The following PCDHGA12 variants were observed in gnomAD, a reference collection of about 807,000 sequenced individuals.
PCDHGA12 encodes the protein protocadherin gamma subfamily A, 12, also known as protocadherin gamma-A12.
Under a neutral mutation model 61.1 loss-of-function variants are expected in PCDHGA12, and 43 were observed. The observed-to-expected ratio is 0.70, with a 90% CI of 0.55 to 0.91. The LOEUF (loss-of-function observed/expected upper bound fraction) is 0.91, where lower values mean the gene tolerates loss of function less well. Ranked by LOEUF, PCDHGA12 falls within the 40% of genes least tolerant of loss-of-function variation. The probability of loss-of-function intolerance (pLI) is 0.00; values close to 1 mark genes in which losing one functional copy is unlikely to be tolerated. For synonymous variants in PCDHGA12, 520 were observed against 542.9 expected, an observed-to-expected ratio of 0.96 and a Z score of 0.59; for missense variants, 1,236 against 1,227.7, an observed-to-expected ratio of 1.01 and a Z score of -0.10.
intron 1 of PCDHGA12, among the ~76,000 whole-genome samples, chr5:141,460,050 C>T (rs1477206197): frequency 6.6e-6 from 1 of 152,064 alleles, no homozygotes; most frequent in Non-Finnish European, 1.5e-5. Context: ...TGCACTCCAG[C>T]CTGGGCAACA....
In PCDHGA12 at chr5:141,431,243, A is replaced by G; in HGVS notation, c.484A>G (p.Ile162Val). 1 of 1,614,154 alleles carries G rather than the reference A, an allele frequency of 6.2e-7. No homozygotes were observed. Among genetic ancestry groups the G allele is most frequent in the Non-Finnish European group, 8.5e-7 (1 of 1,180,034 alleles). ...TCTACCCCACGCCTGGGATCCGGAT[A>G]TCGGGAAGAACTCTCTGCAGAGCTA... ...FPLPHAWDPD[I>V]GKNSLQSYEL... Residue 162 changes from isoleucine to valine, a missense_variant, in exon 1 of 4, where the codon ATC (isoleucine) becomes GTC (valine). Ile to Val is a conservative substitution (Grantham distance 29). Coordinates refer to ENST00000252085, the MANE Select transcript of PCDHGA12 (RefSeq NM_003735.3). This position sits in a 1 kb window ranked among gnomAD's most constrained non-coding sequence, Gnocchi z 4.8.
At chr5:141,457,750 C>G (rs900052683) in intron 1 of PCDHGA12, among the ~76,000 whole-genome samples, 4 of 152,188 alleles carry the variant, frequency 2.6e-5, no homozygotes, top group African/African-American at 9.6e-5. Flanking sequence ...AAGCTGAGCC[C>G]AGACATGGGT....
At chr5:141,455,160 G>GT (rs59530096) in intron 1 of PCDHGA12, among the ~76,000 whole-genome samples, 26,536 of 149,098 alleles carry the variant, frequency 0.18, 2,386 homozygotes, top group South Asian at 0.23. Flanking sequence ...TAGTTTGTTG[G>GT]TTTTTTTTTT....
chr5:141,468,360 A>T (rs1249822461), intron 1 of PCDHGA12: 1 of 151,938 alleles, frequency 6.6e-6, no homozygotes, highest in East Asian at 1.9e-4. Flanking sequence ...GAAAGAAAAA[A>T]GAAATAACTC....
At position 141,489,063 on chromosome 5, in the gene PCDHGA12, C is replaced by A; in HGVS notation, c.2425-5744C>A. ...CTCCACTCAAATTCAGCTCCCCTCC[C>A]CCCTGCCCACCCCCGCCACTCGGTG... On this transcript the variant is annotated intron_variant, in intron 1 of 3. Coordinates refer to ENST00000252085, the MANE Select transcript of PCDHGA12 (RefSeq NM_003735.3). This position sits in a 1 kb window ranked among gnomAD's most constrained non-coding sequence, Gnocchi z 4.5. 2.6e-6 allele frequency: 1 copy of A among 384,986 alleles called. No individual in the cohort carries two copies. Among genetic ancestry groups the A allele is most frequent in the East Asian group, 4.5e-5 (1 of 22,374 alleles). 23.8% of individuals were successfully genotyped at this position (384,986 alleles called of 1,614,324 possible). A position where few individuals can be genotyped will look rare whatever the true frequency, so the allele number is the denominator to read the frequency against.
intron 2 of PCDHGA12, among the ~76,000 whole-genome samples, chr5:141,501,751 C>G (rs188896150): frequency 1.4e-3 from 218 of 152,250 alleles, no homozygotes; most frequent in South Asian, 3.1e-3. Flanking sequence ...ATAGGAAGCT[C>G]TCAGTAAATG....
chr5:141,477,634 G>C lies in PCDHGA12; in HGVS notation c.2425-17173G>C. 2 of 1,614,176 alleles carry C rather than the reference G, an allele frequency of 1.2e-6. No individual in the cohort carries two copies. Among genetic ancestry groups the C allele is most frequent in the Non-Finnish European group, 1.7e-6 (2 of 1,180,034 alleles). On this transcript the variant is annotated intron_variant, in intron 1 of 3. Transcript: ENST00000252085. This position sits in a 1 kb window ranked among gnomAD's most constrained non-coding sequence, Gnocchi z 4.9. Reference sequence around the variant, plus strand: ...AGCAAGGAGCTGAAACCGGGCTAGTGGGTCGCTATTTCACAATAAATCGTG... The same window carrying C: ...AGCAAGGAGCTGAAACCGGGCTAGTCGGTCGCTATTTCACAATAAATCGTG...
rs1015619417 is a variant in PCDHGA12 at position 141,455,526 on chromosome 5, C to T, written c.2424+22343C>T. Among the ~76,000 whole-genome samples the T allele has an allele frequency of 2.0e-5, 3 of 152,106 alleles. 1 individual carries two copies. Among genetic ancestry groups the T allele is most frequent in the South Asian group, 4.1e-4 (2 of 4,826 alleles). ...CATAGGGCTCAGGGGATTGGTTTGA[C>T]CAGGCATATCATTCACGTAGCCCGA... On this transcript the variant is annotated intron_variant, in intron 1 of 3. Coordinates refer to ENST00000252085, the MANE Select transcript of PCDHGA12 (RefSeq NM_003735.3).
Position 141,491,522 on chromosome 5 carries a change from A to G in PCDHGA12, c.2425-3285A>G, listed in dbSNP as rs778246278. ...TCGGACGGCACGCTCAAGTACATGG[A>G]GGTGACGCTGCGGCCCACAGACTCG... is the stretch of plus-strand genomic sequence containing the variant. On this transcript the variant is annotated intron_variant, in intron 1 of 3. Coordinates refer to ENST00000252085, the MANE Select transcript of PCDHGA12 (RefSeq NM_003735.3). The surrounding 1 kb of genome is among the most constrained non-coding windows in gnomAD (Gnocchi z 6.9). 8.1e-6 allele frequency: 13 copies of G among 1,614,024 alleles called. No homozygotes were observed. Among genetic ancestry groups the G allele is most frequent in the Non-Finnish European group, 1.1e-5 (13 of 1,180,002 alleles).
intron 1 of PCDHGA12, among the ~76,000 whole-genome samples, chr5:141,492,408 C>T (rs1187024017): frequency 2.0e-5 from 3 of 152,244 alleles, no homozygotes; most frequent in African/African-American, 2.4e-5. Flanking sequence ...CTCCCCTCTG[C>T]CGCTCCCTCC....
At position 141,511,410 on chromosome 5, in the gene PCDHGA12, T is replaced by A; in HGVS notation, c.*237T>A. The stretch of plus-strand genomic sequence containing the variant: ...GGAACCCCCATCCAATCAACTGCTG[T>A]ACCCATGGGGGTAGTGGGGTTACTG... On this transcript the variant is annotated 3_prime_UTR_variant, in exon 4 of 4. Coordinates refer to ENST00000252085, the MANE Select transcript of PCDHGA12 (RefSeq NM_003735.3). 1 of 908,820 alleles carries A rather than the reference T, an allele frequency of 1.1e-6. No individual in the cohort carries two copies. The highest frequency in any genetic ancestry group is 1.6e-6 in the Non-Finnish European group (1 of 624,202). 56.3% of individuals were successfully genotyped at this position (908,820 alleles called of 1,614,324 possible). A position where few individuals can be genotyped will look rare whatever the true frequency, so the allele number is the denominator to read the frequency against.
rs1194909537 is a variant in PCDHGA12 at position 141,511,022 on chromosome 5, T to C, written c.2648T>C (p.Phe883Ser). 1 of 1,614,176 alleles carries C rather than the reference T, an allele frequency of 6.2e-7. No individual in the cohort carries two copies. The highest frequency in any genetic ancestry group is 8.5e-7 in the Non-Finnish European group (1 of 1,180,020). ...MGLSARYGPQ[F>S]TLQHVPDYRQ... ...TTGAGCGCCCGCTACGGACCCCAGT[T>C]CACCCTGCAGCACGTGCCCGACTAC... The change falls in exon 4 of 4, where the codon TTC becomes TCC. Residue 883 changes from phenylalanine (F) to serine (S), a missense_variant. Transcript: ENST00000252085.
chr5:141,459,162 T>A (rs1408033955), intron 1 of PCDHGA12, among the ~76,000 whole-genome samples: 3 of 152,224 alleles, frequency 2.0e-5, no homozygotes, highest in African/African-American at 7.2e-5. Context: ...AACATTTCTA[T>A]AACCTTCAAA....
At position 141,511,423 on chromosome 5, in the gene PCDHGA12, A is replaced by G. The variant is rs1301463531; in HGVS notation, c.*250A>G. On this transcript the variant is annotated 3_prime_UTR_variant, in exon 4 of 4. Transcript: ENST00000252085. ...AATCAACTGCTGTACCCATGGGGGTAGTGGGGTTACTGTAGACACCAAGAA... is the reference window on the plus strand; with the variant it reads ...AATCAACTGCTGTACCCATGGGGGTGGTGGGGTTACTGTAGACACCAAGAA... 15 of 818,384 alleles carry G rather than the reference A, an allele frequency of 1.8e-5. No homozygotes were observed. Among genetic ancestry groups the G allele is most frequent in the East Asian group, 3.0e-5 (1 of 33,874 alleles). 50.7% of individuals were successfully genotyped at this position (818,384 alleles called of 1,614,324 possible). A position where few individuals can be genotyped will look rare whatever the true frequency, so the allele number is the denominator to read the frequency against.
intron 1 of PCDHGA12, chr5:141,441,943 C>CT: frequency 1.2e-5 from 4 of 336,004 alleles, no homozygotes; most frequent in South Asian, 1.1e-4. Flanking sequence ...CTACCACGTG[C>CT]TGCAGGCCAG....
chr5:141,452,010 G>A (rs955708033), intron 1 of PCDHGA12, among the ~76,000 whole-genome samples: 1 of 152,192 alleles, frequency 6.6e-6, no homozygotes, highest in African/African-American at 2.4e-5. Context: ...ACTTGGTCCA[G>A]CCCACACTCT....
intron 3 of PCDHGA12, among the ~76,000 whole-genome samples, chr5:141,505,995 C>T (rs1041284805): frequency 5.3e-5 from 8 of 152,142 alleles, no homozygotes; most frequent in African/African-American, 1.4e-4. Flanking sequence ...CCTCTTTATG[C>T]GAGGCTCCTC....
intron 1 of PCDHGA12, among the ~76,000 whole-genome samples, chr5:141,467,055 C>CTTT (rs1193465269): frequency 2.2e-5 from 3 of 134,494 alleles, no homozygotes; most frequent in Admixed American, 7.5e-5. Context: ...TCAATGTTTT[C>CTTT]TTTTTTTTTT....
At chr5:141,444,299 G>A (rs1017908182) in intron 1 of PCDHGA12, among the ~76,000 whole-genome samples, 20 of 150,672 alleles carry the variant, frequency 1.3e-4, no homozygotes, top group Non-Finnish European at 2.7e-4. Context: ...AGCCTCCCTA[G>A]TAGCTAGGAT....
Sources: allele counts gnomAD v4.1 joint callset (sites outside exome capture counted in the v4.1 genomes callset), GRCh38; gene constraint gnomAD v4.1.1; non-coding constraint Gnocchi (gnomAD v3.1); transcripts MANE v1.5; gene names NCBI Gene and HGNC (gene_info 2026-07-23, HGNC 2026-07-21).